Variants in SMOC1 observed in about 807,000 individuals in gnomAD.
SMOC1 encodes SPARC-related modular calcium-binding protein 1.
A neutral mutation model predicts 56.3 loss-of-function variants in SMOC1; 22 were observed. The observed-to-expected ratio is 0.39, with a 90% CI of 0.28 to 0.56. The LOEUF (loss-of-function observed/expected upper bound fraction) is 0.56. SMOC1 is among the 20% of genes least tolerant of loss of function. The probability of loss-of-function intolerance (pLI) is 0.61; values close to 1 mark genes in which losing one functional copy is unlikely to be tolerated. For missense variants in SMOC1, 509 were observed against 565.4 expected (o/e 0.90, Z 1.01); for synonymous variants, 193 against 215.0 (o/e 0.90, Z 0.89).
chr14:69,892,662 C>G (rs1883993902), intron 1 of SMOC1, among the ~76,000 whole-genome samples: 1 of 152,176 alleles, frequency 6.6e-6, no homozygotes, highest in South Asian at 2.1e-4. Flanking sequence ...TCCCTATTCC[C>G]TTGCTCAGAT....
chr14:69,933,814 G>C (rs150485512), intron 1 of SMOC1, among the ~76,000 whole-genome samples: 15 of 152,252 alleles, frequency 9.9e-5, no homozygotes, highest in African/African-American at 3.1e-4. Context: ...CATCGCGCCT[G>C]GCCAGAAAAT....
chr14:69,921,263 AG>A (rs1329913368), intron 1 of SMOC1, among the ~76,000 whole-genome samples: 1 of 152,204 alleles, frequency 6.6e-6, no homozygotes, highest in African/African-American at 2.4e-5. Context: ...ATCATGGGCA[AG>A]ATCTTGCAGG....
At chr14:69,927,813 C>T (rs1274834936) in intron 1 of SMOC1, among the ~76,000 whole-genome samples, 3 of 152,224 alleles carry the variant, frequency 2.0e-5, no homozygotes, top group African/African-American at 7.2e-5. Flanking sequence ...TACTTGACTG[C>T]TCACTTCTGA....
At chr14:69,912,649 C>G (rs1456657629) in intron 1 of SMOC1, among the ~76,000 whole-genome samples, 1 of 152,210 alleles carries the variant, frequency 6.6e-6, no homozygotes, top group East Asian at 1.9e-4. Context: ...CTTTCTGTGT[C>G]ATCATCCTTC....
intron 1 of SMOC1, among the ~76,000 whole-genome samples, chr14:69,948,226 CT>C (rs1377113964): frequency 2.0e-5 from 3 of 152,166 alleles, no homozygotes; most frequent in Admixed American, 6.5e-5. Context: ...ATAGAGCTCA[CT>C]TTTTGTGTGT....
intron 3 of SMOC1, among the ~76,000 whole-genome samples, chr14:69,955,895 G>GTTT (rs1434022924): frequency 2.0e-5 from 3 of 152,220 alleles, no homozygotes; most frequent in African/African-American, 2.4e-5. Flanking sequence ...ACAGGGTGAA[G>GTTT]GTAAAGGAGG....
At chr14:69,968,590 C>A (rs767304046) in intron 3 of SMOC1, among the ~76,000 whole-genome samples, 9 of 152,168 alleles carry the variant, frequency 5.9e-5, no homozygotes, top group Non-Finnish European at 8.8e-5. Flanking sequence ...TCAGTAGGAC[C>A]AACAGCAAGA....
chr14:70,017,974 G>A (rs1397162486), intron 10 of SMOC1, among the ~76,000 whole-genome samples: 10 of 152,168 alleles, frequency 6.6e-5, no homozygotes. Context: ...GGGACCATGT[G>A]GGTAGTGAGG....
Position 70,023,417 on chromosome 14 carries a change from C to G in SMOC1, c.1261C>G (p.Leu421Val). 6.2e-7 allele frequency: 1 copy of G among 1,614,004 alleles called. No homozygotes were observed. Among genetic ancestry groups the G allele is most frequent in the South Asian group, 1.1e-5 (1 of 91,080 alleles). ...NKDKVISLPE[L>V]KGCLGVSKEV... is the part of the protein sequence containing the mutation. ...AGACAAGGTCATTTCACTGCCTGAG[C>G]TGAAGGGCTGCCTGGGTGTTAGCAA... The change falls in exon 11 of 12, where the codon CTG (leucine) becomes GTG (valine). Residue 421 changes from leucine (L) to valine (V), a missense_variant. Leu to Val is a conservative substitution (Grantham distance 32). Around this residue, in one of 3 missense-constraint regions of SMOC1, gnomAD observed 176 missense variants for 188.1 expected, o/e 0.94. Transcript: ENST00000361956.
At chr14:70,020,667 G>A (rs531450433) in intron 10 of SMOC1, among the ~76,000 whole-genome samples, 29 of 152,292 alleles carry the variant, frequency 1.9e-4, no homozygotes, top group African/African-American at 6.7e-4. Context: ...GTGGGGGGCA[G>A]CAATCAGAAG....
chr14:70,022,626 C>T (rs369659270), intron 10 of SMOC1, among the ~76,000 whole-genome samples: 3 of 152,222 alleles, frequency 2.0e-5, no homozygotes, highest in Non-Finnish European at 4.4e-5. Context: ...AGTGATGGAC[C>T]GTGGGAACCT....
At chr14:69,946,004 T>A (rs1380251664) in intron 1 of SMOC1, among the ~76,000 whole-genome samples, 4 of 152,160 alleles carry the variant, frequency 2.6e-5, no homozygotes, top group Admixed American at 2.0e-4. Context: ...TGAGAACAGG[T>A]CTATATTATA....
At chr14:69,890,897 A>G (rs1425149789) in intron 1 of SMOC1, among the ~76,000 whole-genome samples, 5 of 152,218 alleles carry the variant, frequency 3.3e-5, no homozygotes, top group Non-Finnish European at 7.3e-5. Flanking sequence ...TCTAATGTAT[A>G]TGGAGAGATA....
At chr14:69,977,644 G>A (rs1454729313) in intron 4 of SMOC1, among the ~76,000 whole-genome samples, 4 of 152,092 alleles carry the variant, frequency 2.6e-5, no homozygotes, top group Admixed American at 2.6e-4. Context: ...ATATGAGTGT[G>A]GAATTTTGTA....
At chr14:69,993,156 C>T (rs1340129602) in intron 6 of SMOC1, among the ~76,000 whole-genome samples, 1 of 152,040 alleles carries the variant, frequency 6.6e-6, no homozygotes, top group East Asian at 1.9e-4. Context: ...GGAGATTGGC[C>T]AGTGGGACTG....
rs747998146 is a variant in SMOC1, at chr14:69,952,253, C to T, written c.215C>T (p.Ala72Val). The T allele has an allele frequency of 2.5e-6, 4 of 1,614,144 alleles. No individual in the cohort carries two copies. Among genetic ancestry groups the T allele is most frequent in the South Asian group, 2.2e-5 (2 of 91,076 alleles). The change falls in exon 2 of 12, where the codon GCC becomes GTC. Residue 72 changes from alanine (A) to valine (V), a missense_variant. By Grantham distance (64) the Ala-to-Val change is moderately conservative (BLOSUM62 0). Transcript: ENST00000361956. The stretch of plus-strand genomic sequence containing the variant: ...GAGTCCATGTGTGAGTACCAGCGAG[C>T]CAAGTGCCGAGACCCGACCCTGGGC... Reference protein sequence around the residue: ...SYESMCEYQRAKCRDPTLGVV... With the variant: ...SYESMCEYQRVKCRDPTLGVV...
chr14:69,963,231 T>C (rs887452344), intron 3 of SMOC1, among the ~76,000 whole-genome samples: 10 of 152,080 alleles, frequency 6.6e-5, no homozygotes, highest in Non-Finnish European at 1.5e-4. Flanking sequence ...GCAGAGCATC[T>C]AGTAGGGGGA....
In SMOC1 at chr14:69,879,906, C is replaced by A. The variant is rs564773626; in HGVS notation, c.99+129C>A. 1,069 of 784,190 alleles carry A rather than the reference C, an allele frequency of 1.4e-3. 1 individual carries two copies. Among genetic ancestry groups the A allele is most frequent in the Non-Finnish European group, 1.5e-3 (767 of 524,380 alleles). The allele number at this position is 784,190 out of a possible 1,614,324, so 48.6% of individuals were successfully genotyped here. A position where few individuals can be genotyped will look rare whatever the true frequency, so the allele number is the denominator to read the frequency against. On this transcript the variant is annotated intron_variant, in intron 1 of 11. Transcript: ENST00000361956. ...TGTTGTCCTCTGTCTACTACCAGGT[C>A]CCCTGCGGGCTTGGTGAAGTTGCTG...
intron 3 of SMOC1, among the ~76,000 whole-genome samples, chr14:69,961,270 GTGTATATATATATATATATA>G (rs1410281748): frequency 3.5e-3 from 210 of 59,690 alleles, no homozygotes; most frequent in Non-Finnish European, 4.6e-3. Flanking sequence ...ATATTCTATT[GTGTATATATATATATATATA>G]TATATATATA....
Sources: allele counts gnomAD v4.1 joint callset (sites outside exome capture counted in the v4.1 genomes callset), GRCh38; gene constraint gnomAD v4.1.1; regional missense constraint gnomAD v4.1.1; transcripts MANE v1.5; gene names NCBI Gene and HGNC (gene_info 2026-07-23, HGNC 2026-07-21).